The following SDF2 variants were observed in gnomAD, a reference collection of about 807,000 sequenced individuals.
The protein encoded by SDF2 is stromal cell-derived factor 2.
Under a neutral mutation model 20.5 loss-of-function variants are expected in SDF2, and 12 were observed. The ratio of observed to expected loss-of-function variants is 0.58; its 90% CI spans 0.37 to 0.95. The LOEUF (loss-of-function observed/expected upper bound fraction) is 0.95, where lower values mean the gene tolerates loss of function less well. SDF2 is among the 40% of genes least tolerant of loss of function. SDF2 has a pLI of 0.01. For synonymous variants in SDF2, 100 were observed against 101.0 expected (o/e 0.99, Z 0.06); for missense variants, 238 against 263.1 (o/e 0.90, Z 0.66).
intron 2 of SDF2, among the ~76,000 whole-genome samples, chr17:28,650,820 A>C (rs1225281505): frequency 2.6e-5 from 4 of 151,178 alleles, no homozygotes; most frequent in Non-Finnish European, 4.4e-5. Context: ...AAAAAAAAAA[A>C]AAAAAAAAAA....
Position 28,661,815 on chromosome 17 carries a change from A to T in SDF2, c.62T>A (p.Leu21Gln). The T allele has an allele frequency of 6.2e-7, 1 of 1,614,154 alleles. No individual in the cohort carries two copies. Among genetic ancestry groups the T allele is most frequent in the South Asian group, 1.1e-5 (1 of 91,084 alleles). The stretch of plus-strand genomic sequence containing the variant: ...CACGGAGCCGCAAGTAACGACACCC[A>T]GGCTGGACGCTCCCACAGCGCTCCA... ...GLWSAVGASS[L>Q]GVVTCGSVVK... Residue 21 changes from leucine (L) to glutamine (Q), a missense_variant, in exon 1 of 3, where the codon CTG (leucine) becomes CAG (glutamine). Transcript: ENST00000247020.
At chr17:28,655,761 A>G in intron 1 of SDF2, 1 of 495,106 alleles carries the variant, frequency 2.0e-6, no homozygotes, top group Non-Finnish European at 3.6e-6. Flanking sequence ...AAATGTGAAG[A>G]GCCTATGTAT....
rs1363345166 is a variant in SDF2 at position 28,648,718 on chromosome 17, G to C, written c.*271C>G. ...CCAGCTAAGAGGGATGTTTCCCTCA[G>C]TTTGTTTTATCAGTACTAATAAAAA... On this transcript the variant is annotated 3_prime_UTR_variant, in exon 3 of 3. Transcript: ENST00000247020. 2.1e-6 allele frequency: 1 copy of C among 473,304 alleles called. No homozygotes were observed. The highest frequency in any genetic ancestry group is 3.8e-6 in the Non-Finnish European group (1 of 263,988). The allele number at this position is 473,304 out of a possible 1,614,324, so 29.3% of individuals were successfully genotyped here. A position where few individuals can be genotyped will look rare whatever the true frequency, so the allele number is the denominator to read the frequency against.
At chr17:28,661,972 A>T, upstream of SDF2, 1 of 1,402,662 alleles carries the variant, frequency 7.1e-7, no homozygotes, top group Non-Finnish European at 9.8e-7. Context: ...AAGGAAGTGA[A>T]GAAGCCCGAG....
chr17:28,657,344 C>T (rs924217249), intron 1 of SDF2, among the ~76,000 whole-genome samples: 1 of 151,868 alleles, frequency 6.6e-6, no homozygotes, highest in East Asian at 1.9e-4. Flanking sequence ...TCCAGGAGTT[C>T]GAGACTAGCC....
In SDF2 at chr17:28,648,891, G is replaced by T; in HGVS notation, c.*98C>A. On this transcript the variant is annotated 3_prime_UTR_variant, in exon 3 of 3. Coordinates refer to ENST00000247020, the MANE Select transcript of SDF2 (RefSeq NM_006923.4). ...TATATCTTCATCTCAATGGTGACATGGCCACTGCCCAAGGAACTTGTGGCA... is the reference window on the plus strand; with the variant it reads ...TATATCTTCATCTCAATGGTGACATTGCCACTGCCCAAGGAACTTGTGGCA... 8.2e-7 allele frequency: 1 copy of T among 1,219,878 alleles called. No individual in the cohort carries two copies. The highest frequency in any genetic ancestry group is 1.2e-6 in the Non-Finnish European group (1 of 848,088). The allele number at this position is 1,219,878 out of a possible 1,614,324, so 75.6% of individuals were successfully genotyped here.
chr17:28,653,953 A>C (rs528661504), intron 2 of SDF2, among the ~76,000 whole-genome samples: 40 of 152,342 alleles, frequency 2.6e-4, no homozygotes, highest in African/African-American at 9.1e-4. Flanking sequence ...AACTGCATAC[A>C]GGGGCTGGGG....
chr17:28,655,857 GCCT>G (rs2071957543), intron 1 of SDF2: 1 of 232,424 alleles, frequency 4.3e-6, no homozygotes, highest in Non-Finnish European at 8.6e-6. Flanking sequence ...ACATGGCTAA[GCCT>G]TTGTAAAACT....
In SDF2 at chr17:28,656,367, T is replaced by C. The variant is rs1313931956; in HGVS notation, c.152-884A>G. On this transcript the variant is annotated intron_variant, in intron 1 of 2. Transcript: ENST00000247020. ...TTTTGGGAGGCTGAGGCAGTTGGAT[T>C]GCTTGAGCCCAGGAATTCAAGACCA... The C allele has an allele frequency of 2.0e-5, 3 of 151,850 alleles. No individual in the cohort carries two copies. The East Asian group carries it at 5.8e-4, about 29-fold the overall frequency. The allele number at this position is 151,850 out of a possible 1,614,324, so 9.4% of individuals were successfully genotyped here. A position where few individuals can be genotyped will look rare whatever the true frequency, so the allele number is the denominator to read the frequency against.
At position 28,661,887 on chromosome 17, in the gene SDF2, T is replaced by C. The variant is rs1185430453; in HGVS notation, c.-11A>G. The C allele has an allele frequency of 6.3e-7, 1 of 1,590,246 alleles. No individual in the cohort carries two copies. Among genetic ancestry groups the C allele is most frequent in the Non-Finnish European group, 8.6e-7 (1 of 1,161,036 alleles). On this transcript the variant is annotated 5_prime_UTR_variant, in exon 1 of 3. Transcript: ENST00000247020. ...AGGTACTACAGCCATCCTAACTGTA[T>C]CGCGGAGCCCCAAATCTTCGAAGAA...
At chr17:28,657,140 T>C (rs1340838560) in intron 1 of SDF2, among the ~76,000 whole-genome samples, 2 of 152,058 alleles carry the variant, frequency 1.3e-5, no homozygotes, top group African/African-American at 4.8e-5. Flanking sequence ...GGCAGAAGAA[T>C]TGCTTGCATC....
upstream of SDF2, chr17:28,661,918 G>A (rs2072055313): frequency 6.3e-7 from 1 of 1,583,030 alleles, no homozygotes; most frequent in Non-Finnish European, 8.6e-7. Context: ...AAGAAAACTC[G>A]GCCCCTCCCC....
chr17:28,655,366 T>G lies in SDF2; in HGVS notation c.269A>C (p.Gln90Pro), dbSNP rs919423952. The G allele has an allele frequency of 1.9e-6, 3 of 1,614,166 alleles. No homozygotes were observed. In the African/African-American group the frequency reaches 4.0e-5, roughly 22 times the overall value. ...GTTGACATGTGTCAGCCGGATGGGC[T>G]GGCCACACTTGATGGGGGTTCCCCT... The part of the protein sequence containing the change: ...CERGTPIKCG[Q>P]PIRLTHVNTG... Residue 90 changes from glutamine (Q) to proline (P), a missense_variant, in exon 2 of 3, where the codon CAG becomes CCG. Coordinates refer to ENST00000247020, the MANE Select transcript of SDF2 (RefSeq NM_006923.4).
At chr17:28,659,928 C>T (rs1209365267) in intron 1 of SDF2, among the ~76,000 whole-genome samples, 4 of 152,232 alleles carry the variant, frequency 2.6e-5, no homozygotes, top group Non-Finnish European at 5.9e-5. Context: ...AAGATCACAC[C>T]ACTGCACTCC....
rs375824056 is a variant in SDF2 at position 28,653,929 on chromosome 17, A to G, written c.348+1358T>C. ...AGCAAATTTACCCTTCGAAGGTAAGATATTAATAGGGAAAACTGCATACAG... is the reference window on the plus strand; with the variant it reads ...AGCAAATTTACCCTTCGAAGGTAAGGTATTAATAGGGAAAACTGCATACAG... On this transcript the variant is annotated intron_variant, in intron 2 of 2. Coordinates refer to ENST00000247020, the MANE Select transcript of SDF2 (RefSeq NM_006923.4). Among the ~76,000 whole-genome samples the G allele has an allele frequency of 1.4e-4, 22 of 152,336 alleles. No individual in the cohort carries two copies. The East Asian group carries it at 1.9e-3, about 13-fold the overall frequency.
Position 28,648,727 on chromosome 17 carries a change from A to G in SDF2, c.*262T>C. On this transcript the variant is annotated 3_prime_UTR_variant, in exon 3 of 3. Transcript: ENST00000247020. ...AGGGATGTTTCCCTCAGTTTGTTTT[A>G]TCAGTACTAATAAAAAGCATCTGCC... The G allele has an allele frequency of 3.9e-6, 2 of 508,732 alleles. No individual in the cohort carries two copies. Among genetic ancestry groups the G allele is most frequent in the South Asian group, 5.3e-5 (2 of 37,972 alleles). 31.5% of individuals were successfully genotyped at this position (508,732 alleles called of 1,614,324 possible).
chr17:28,661,083 TAAAAAAAAA>T (rs11385140), intron 1 of SDF2: 1 of 285,356 alleles, frequency 3.5e-6, no homozygotes, highest in African/African-American at 2.9e-5. Context: ...TTTCAAACGC[TAAAAAAAAA>T]AAAAAAAAAA....
chr17:28,656,937 G>A (rs1329519216), intron 1 of SDF2, among the ~76,000 whole-genome samples: 1 of 152,058 alleles, frequency 6.6e-6, no homozygotes, highest in African/African-American at 2.4e-5. Context: ...TATTATAAAC[G>A]TATTATTTAA....
At position 28,649,205 on chromosome 17, in the gene SDF2, G is replaced by A. The variant is rs1302409823; in HGVS notation, c.420C>T (p.Pro140=). 6.2e-5 allele frequency: 100 copies of A among 1,614,076 alleles called. 1 individual carries two copies. The highest frequency in any genetic ancestry group is 8.2e-5 in the Non-Finnish European group (97 of 1,180,028). The change falls in exon 3 of 3, where the codon CCC becomes CCT. Residue 140 remains proline, a synonymous_variant. Transcript: ENST00000247020. ...GCACCTCACCATCTCTCACCCAGTAGGGTCCATTACAGAGCACTGTCCAGT... is the reference window on the plus strand; with the variant it reads ...GCACCTCACCATCTCTCACCCAGTAAGGTCCATTACAGAGCACTGTCCAGT... ...LDDWTVLCNG[P]YWVRDGEVRF...
Sources: gnomAD v4.1 joint callset for allele counts (sites outside exome capture counted in the v4.1 genomes callset) on GRCh38, gnomAD v4.1.1 for gene constraint, MANE v1.5 for transcripts, NCBI Gene and HGNC (gene_info 2026-07-23, HGNC 2026-07-21) for gene names.